AKT2: variants seen among roughly 807,000 people sequenced by gnomAD.
AKT2 encodes the protein AKT serine/threonine kinase 2, also known as RAC-beta serine/threonine-protein kinase.
Under a neutral mutation model 58.6 loss-of-function variants are expected in AKT2, and 16 were observed. The ratio of observed to expected loss-of-function variants is 0.27; its 90% confidence interval spans 0.18 to 0.41. The LOEUF (loss-of-function observed/expected upper bound fraction) is 0.41. Among genes scored for constraint, AKT2 ranks in the 10% least tolerant of loss-of-function variants. The pLI is 1.00. For synonymous variants in AKT2, 253 were observed against 254.0 expected, an observed-to-expected ratio of 1.00 and a Z score of 0.04; for missense variants, 438 against 661.0, an observed-to-expected ratio of 0.66 and a Z score of 3.70.
chr19:40,236,412 G>T lies in AKT2; in HGVS notation c.832-27C>A. 1.9e-6 allele frequency: 3 copies of T among 1,613,878 alleles called. 1 individual carries two copies. The highest frequency in any genetic ancestry group is 2.2e-5 in the South Asian group (2 of 91,066). On this transcript the variant is annotated intron_variant, in intron 9 of 13. Coordinates refer to ENST00000392038, the MANE Select transcript of AKT2 (RefSeq NM_001626.6). Reference sequence around the variant, plus strand: ...TGTTGGAAAAGTCAACGGATCTCAGGTGCATGCTCCCAAGGCTTCCTGCCA... The same window carrying T: ...TGTTGGAAAAGTCAACGGATCTCAGTTGCATGCTCCCAAGGCTTCCTGCCA...
At chr19:40,283,655 C>T (rs569940005) in intron 1 of AKT2, among the ~76,000 whole-genome samples, 34 of 152,274 alleles carry the variant, frequency 2.2e-4, no homozygotes, top group African/African-American at 7.9e-4. Context: ...GCCTAGGGAG[C>T]AGGGACACTG....
At chr19:40,262,518 G>A (rs1976038211) in intron 2 of AKT2, among the ~76,000 whole-genome samples, 1 of 152,216 alleles carries the variant, frequency 6.6e-6, no homozygotes, top group Non-Finnish European at 1.5e-5. Flanking sequence ...TCAGAAGTGG[G>A]ACCAGCACAT....
At position 40,238,052 on chromosome 19, in the gene AKT2, C is replaced by A. The variant is rs1044041105; in HGVS notation, c.748G>T (p.Glu250Ter). Residue 250 changes from glutamate (E) to a stop codon, truncating the protein, a stop_gained, in exon 9 of 14, where the codon GAG (glutamate) becomes TAG (stop). Transcript: ENST00000392038. LOFTEE classifies it high-confidence loss of function. The surrounding 1 kb of genome is among the most constrained non-coding windows in gnomAD (Gnocchi z 5.1). ...TCTGCACCATAAAACCGGGCCCGCTCCTCTGTGAAGACACGCTCCCGGGAC... is the reference window on the plus strand; with the variant it reads ...TCTGCACCATAAAACCGGGCCCGCTACTCTGTGAAGACACGCTCCCGGGAC... ...HLSRERVFTE[E>*]RARFYGAEIV... is the part of the protein sequence containing the mutation. 1 of 1,608,202 alleles carries A rather than the reference C, an allele frequency of 6.2e-7. No individual in the cohort carries two copies. The highest frequency in any genetic ancestry group is 8.5e-7 in the Non-Finnish European group (1 of 1,177,448).
intron 1 of AKT2, among the ~76,000 whole-genome samples, chr19:40,277,467 T>C (rs904864759): frequency 5.3e-5 from 8 of 152,038 alleles, no homozygotes; most frequent in African/African-American, 1.9e-4. Flanking sequence ...GCCAGCTCTC[T>C]CCCACACAGG....
At chr19:40,269,859 C>A (rs929915662) in intron 1 of AKT2, among the ~76,000 whole-genome samples, 2 of 152,176 alleles carry the variant, frequency 1.3e-5, no homozygotes, top group African/African-American at 4.8e-5. Flanking sequence ...AGCCTGGAGC[C>A]CCGTGACCAC....
intron 4 of AKT2, among the ~76,000 whole-genome samples, chr19:40,250,404 G>C (rs559409595): frequency 6.6e-6 from 1 of 152,252 alleles, no homozygotes; most frequent in East Asian, 1.9e-4. Flanking sequence ...TCAGGAGGCT[G>C]AGGCGTGAGA....
rs1048540288 is a variant in AKT2, at chr19:40,231,336, G to T, written c.*2536C>A. 1 of 232,844 alleles carries T rather than the reference G, an allele frequency of 4.3e-6. No homozygotes were observed. Among genetic ancestry groups the T allele is most frequent in the Admixed American group, 5.6e-5 (1 of 17,780 alleles). The allele number at this position is 232,844 out of a possible 1,614,324, so 14.4% of individuals were successfully genotyped here. A position where few individuals can be genotyped will look rare whatever the true frequency, so the allele number is the denominator to read the frequency against. ...ACGTGGGTCAACTCGGGGCTGGGAC[G>T]AGATGGAAGAGTAAAAGGCCTTTCT... is the stretch of plus-strand genomic sequence containing the variant. On this transcript the variant is annotated 3_prime_UTR_variant, in exon 14 of 14. Transcript: ENST00000392038.
At chr19:40,257,728 C>A (rs1000774132) in intron 2 of AKT2, among the ~76,000 whole-genome samples, 21 of 151,882 alleles carry the variant, frequency 1.4e-4, no homozygotes, top group Admixed American at 1.4e-3. Context: ...TAACAGCCAT[C>A]GAGTGGAAAC....
chr19:40,263,240 G>A (rs913453256), intron 2 of AKT2, among the ~76,000 whole-genome samples: 5 of 152,148 alleles, frequency 3.3e-5, no homozygotes, highest in African/African-American at 7.2e-5. Flanking sequence ...CATGGCCTCC[G>A]CACGTGCAGG....
rs1292063918 is a variant in AKT2, at chr19:40,230,720, T to TTC, written c.*3151_*3152insGA. On this transcript the variant is annotated 3_prime_UTR_variant, in exon 14 of 14. Coordinates refer to ENST00000392038, the MANE Select transcript of AKT2 (RefSeq NM_001626.6). Reference sequence around the variant, plus strand: ...TTTTTTAATAGCATGTATCATGTTTTTTTTTTTTTTATTTTTAGAGACACA... The same window carrying TTC: ...TTTTTTAATAGCATGTATCATGTTTTTCTTTTTTTTTTATTTTTAGAGACACA... 2.4e-5 allele frequency: 5 copies of TTC among 208,014 alleles called. No individual in the cohort carries two copies. Among genetic ancestry groups the TTC allele is most frequent in the African/African-American group, 1.1e-4 (5 of 43,838 alleles). 12.9% of individuals were successfully genotyped at this position (208,014 alleles called of 1,614,324 possible).
chr19:40,262,381 C>G (rs567717279), intron 2 of AKT2, among the ~76,000 whole-genome samples: 1 of 152,174 alleles, frequency 6.6e-6, no homozygotes, highest in Non-Finnish European at 1.5e-5. Context: ...CCTGGGAGAG[C>G]CAGAATTGGA....
chr19:40,282,485 G>A, intron 1 of AKT2: 1 of 514,962 alleles, frequency 1.9e-6, no homozygotes, highest in South Asian at 1.5e-5. Flanking sequence ...ACTCTGAGGA[G>A]GGACCAAGAA....
intron 1 of AKT2, chr19:40,284,894 AGGTCCAGCCCCC>A (rs1237656859): frequency 3.6e-6 from 1 of 277,844 alleles, no homozygotes; most frequent in Non-Finnish European, 6.7e-6. Context: ...CGCGCCCGAA[AGGTCCAGCCCCC>A]GGCCCGCGCA....
Position 40,231,210 on chromosome 19 carries a change from G to C in AKT2, c.*2662C>G, listed in dbSNP as rs192294642. ...ACGGGGCCAGCTGCTGCAGCTGTGGGACCCCATCCTGTGGAAGAGGAGAGA... is the reference window on the plus strand; with the variant it reads ...ACGGGGCCAGCTGCTGCAGCTGTGGCACCCCATCCTGTGGAAGAGGAGAGA... On this transcript the variant is annotated 3_prime_UTR_variant, in exon 14 of 14. Coordinates refer to ENST00000392038, the MANE Select transcript of AKT2 (RefSeq NM_001626.6). 1.3e-3 allele frequency: 301 copies of C among 232,214 alleles called. 3 individuals carry two copies. In the Admixed American group the frequency reaches 0.015, roughly 11 times the overall value. The allele number at this position is 232,214 out of a possible 1,614,324, so 14.4% of individuals were successfully genotyped here.
At chr19:40,255,114 G>A (rs565080846) in intron 4 of AKT2, 44 bp downstream of exon 4, 4 of 1,457,862 alleles carry the variant, frequency 2.7e-6, no homozygotes, top group African/African-American at 1.4e-5. Context: ...CTCACACCAG[G>A]CTTGCTCCCT....
At position 40,233,396 on chromosome 19, in the gene AKT2, G is replaced by A. The variant is rs993869339; in HGVS notation, c.*476C>T. ...GGGACAGCGGGTGGGGGATTGGACC[G>A]CCCCGTGCCTGGCCACTCCGAGCCT... On this transcript the variant is annotated 3_prime_UTR_variant, in exon 14 of 14. Transcript: ENST00000392038. This position sits in a 1 kb window ranked among gnomAD's most constrained non-coding sequence, Gnocchi z 4.3. The A allele has an allele frequency of 8.9e-6, 4 of 449,442 alleles. No individual in the cohort carries two copies. Among genetic ancestry groups the A allele is most frequent in the African/African-American group, 3.9e-5 (2 of 51,116 alleles). The allele number at this position is 449,442 out of a possible 1,614,324, so 27.8% of individuals were successfully genotyped here.
intron 4 of AKT2, chr19:40,243,171 C>T (rs35374456): frequency 7.3e-4 from 125 of 170,204 alleles, no homozygotes; most frequent in Non-Finnish European, 1.4e-3. Flanking sequence ...ATACCAAGAG[C>T]GATCACCAAT....
chr19:40,259,130 T>C (rs1231196212), intron 2 of AKT2, among the ~76,000 whole-genome samples: 1 of 152,180 alleles, frequency 6.6e-6, no homozygotes, highest in Non-Finnish European at 1.5e-5. Context: ...TCAACACAGA[T>C]GCCAAGATCA....
Position 40,233,923 on chromosome 19 carries a change from G to A in AKT2, c.1395C>T (p.Asp465=), listed in dbSNP as rs1225739384. The change falls in exon 14 of 14, where the codon GAC becomes GAT. Residue 465 remains aspartate, a synonymous_variant. Transcript: ENST00000392038. This position sits in a 1 kb window ranked among gnomAD's most constrained non-coding sequence, Gnocchi z 4.3. ...RYDSLGLLEL[D]QRTHFPQFSY... ...AGAACTGGGGGAAGTGGGTCCGCTG[G>A]TCCAGCTCCAGTAAGCCCAGGCTGT... is the stretch of plus-strand genomic sequence containing the variant. 2 of 1,611,854 alleles carry A rather than the reference G, an allele frequency of 1.2e-6. No individual in the cohort carries two copies. Among genetic ancestry groups the A allele is most frequent in the Non-Finnish European group, 8.5e-7 (1 of 1,179,942 alleles).
Sources: gnomAD v4.1 joint callset for allele counts (sites outside exome capture counted in the v4.1 genomes callset) on GRCh38, gnomAD v4.1.1 for gene constraint, Gnocchi (gnomAD v3.1) non-coding constraint, MANE v1.5 for transcripts, NCBI Gene and HGNC (gene_info 2026-07-23, HGNC 2026-07-21) for gene names.